The following DYNLL2 variants were observed in gnomAD, a reference collection of about 807,000 sequenced individuals.
DYNLL2 encodes the protein dynein light chain 2, cytoplasmic.
In DYNLL2, 1 loss-of-function variant was observed where a neutral mutation model predicts 9.7. The ratio of observed to expected loss-of-function variants is 0.10; its 90% CI spans 0.04 to 0.49. The LOEUF (loss-of-function observed/expected upper bound fraction) is 0.49. Ranked by LOEUF, DYNLL2 falls within the 20% of genes least tolerant of loss-of-function variation. DYNLL2 has a pLI of 0.95. For missense variants in DYNLL2, 37 were observed against 115.2 expected (o/e 0.32, Z 3.11); for synonymous variants, 35 against 40.5 (o/e 0.86, Z 0.52).
rs752199536 is a variant in DYNLL2 at position 58,089,326 on chromosome 17, G to A, written c.*47G>A. On this transcript the variant is annotated 3_prime_UTR_variant, in exon 3 of 3. Transcript: ENST00000579991. Reference sequence around the variant, plus strand: ...GTGGCGGCGGCAGCGATGGCAAGCAGGCGGCGTTGCTGGGACTGTTTTGCA... The same window carrying A: ...GTGGCGGCGGCAGCGATGGCAAGCAAGCGGCGTTGCTGGGACTGTTTTGCA... The A allele has an allele frequency of 1.2e-5, 19 of 1,603,950 alleles. No homozygotes were observed. The highest frequency in any genetic ancestry group is 3.3e-4 in the Middle Eastern group (2 of 6,024).
chr17:58,088,585 G>C (rs2075768971), intron 2 of DYNLL2, among the ~76,000 whole-genome samples: 1 of 152,158 alleles, frequency 6.6e-6, no homozygotes, highest in African/African-American at 2.4e-5. Context: ...CCTTGTTCTG[G>C]TACATACAGC....
intron 1 of DYNLL2, 63 bp from the exon 2 acceptor site, chr17:58,087,019 G>C: frequency 2.5e-6 from 4 of 1,587,318 alleles, no homozygotes; most frequent in South Asian, 1.1e-5. Context: ...CCCACACCCA[G>C]CAGCTAATGT....
intron 1 of DYNLL2, among the ~76,000 whole-genome samples, 154 bp downstream of exon 1, chr17:58,083,837 G>A (rs1036378950): frequency 3.3e-5 from 5 of 151,730 alleles, no homozygotes; most frequent in Non-Finnish European, 7.4e-5. Flanking sequence ...TGGCGTTGAC[G>A]GTCCGGGCAG....
chr17:58,083,679 T>G lies in DYNLL2; in HGVS notation c.-14T>G, dbSNP rs1462540719. On this transcript the variant is annotated 5_prime_UTR_variant, in exon 1 of 3. Transcript: ENST00000579991. Reference sequence around the variant, plus strand: ...AGGGCCCAGTGCGGACTCGCCTCCGTGAAGGTGAGCGGTGGGTGGGGGCGT... The same window carrying G: ...AGGGCCCAGTGCGGACTCGCCTCCGGGAAGGTGAGCGGTGGGTGGGGGCGT... The G allele has an allele frequency of 5.9e-5, 9 of 152,352 alleles. No homozygotes were observed. The highest frequency in any genetic ancestry group is 2.2e-4 in the African/African-American group (9 of 41,346). 9.4% of individuals were successfully genotyped at this position (152,352 alleles called of 1,614,324 possible).
In DYNLL2 at chr17:58,083,479, C is replaced by CGGCGCGAGGCGGA. The variant is rs1567765002; in HGVS notation, c.-213_-212insGCGCGAGGCGGAG. 2.4e-5 allele frequency: 3 copies of CGGCGCGAGGCGGA among 124,608 alleles called. No individual in the cohort carries two copies. The highest frequency in any genetic ancestry group is 5.7e-5 in the African/African-American group (2 of 35,396). The allele number at this position is 124,608 out of a possible 1,614,324, so 7.7% of individuals were successfully genotyped here. A position where few individuals can be genotyped will look rare whatever the true frequency, so the allele number is the denominator to read the frequency against. On this transcript the variant is annotated 5_prime_UTR_variant, in exon 1 of 3. Coordinates refer to ENST00000579991, the MANE Select transcript of DYNLL2 (RefSeq NM_080677.3). ...GCGGAGCGGGCGGGCGGGCGGGCGG[C>CGGCGCGAGGCGGA]GTGAGGCGGAGCGCGGGCGGCCGGC...
rs1223706636 is a variant in DYNLL2, at chr17:58,092,762, G to A, written c.*3483G>A. 6.6e-6 allele frequency: 1 copy of A among 152,272 alleles called. No homozygotes were observed. Among genetic ancestry groups the A allele is most frequent in the Non-Finnish European group, 1.5e-5 (1 of 68,102 alleles). The allele number at this position is 152,272 out of a possible 1,614,324, so 9.4% of individuals were successfully genotyped here. On this transcript the variant is annotated 3_prime_UTR_variant, in exon 3 of 3. Transcript: ENST00000579991. The stretch of plus-strand genomic sequence containing the variant: ...AGGCAAATGGATAATAACCAGCATG[G>A]TAGGGAATCTTCTTTGTTGCTGTGG...
Position 58,093,853 on chromosome 17 carries a change from A to G in DYNLL2, c.*4574A>G, listed in dbSNP as rs1471085103. The G allele has an allele frequency of 1.3e-5, 2 of 150,838 alleles. No homozygotes were observed. Among genetic ancestry groups the G allele is most frequent in the Non-Finnish European group, 2.9e-5 (2 of 67,884 alleles). 9.3% of individuals were successfully genotyped at this position (150,838 alleles called of 1,614,324 possible). On this transcript the variant is annotated 3_prime_UTR_variant, in exon 3 of 3. Coordinates refer to ENST00000579991, the MANE Select transcript of DYNLL2 (RefSeq NM_080677.3). Reference sequence around the variant, plus strand: ...CCCCTTCACTACCCTAGTAACAAGTATGACCTGTTGCCTGTTGAGGTCAGG... The same window carrying G: ...CCCCTTCACTACCCTAGTAACAAGTGTGACCTGTTGCCTGTTGAGGTCAGG...
At chr17:58,087,529 A>G (rs2075764728) in intron 2 of DYNLL2, among the ~76,000 whole-genome samples, 1 of 152,172 alleles carries the variant, frequency 6.6e-6, no homozygotes, top group African/African-American at 2.4e-5. Flanking sequence ...AGAATTAAAT[A>G]TTTCTGGCCC....
chr17:58,089,411 C>T lies in DYNLL2; in HGVS notation c.*132C>T, dbSNP rs546944674. 9.2e-6 allele frequency: 11 copies of T among 1,195,818 alleles called. No homozygotes were observed. The highest frequency in any genetic ancestry group is 6.2e-5 in the African/African-American group (4 of 64,854). The allele number at this position is 1,195,818 out of a possible 1,614,324, so 74.1% of individuals were successfully genotyped here. ...TGTGCTACTGCATGGACTGTATACT[C>T]GATTTCATGTGTATGTCGCAGTAAA... On this transcript the variant is annotated 3_prime_UTR_variant, in exon 3 of 3. Coordinates refer to ENST00000579991, the MANE Select transcript of DYNLL2 (RefSeq NM_080677.3).
chr17:58,085,378 C>T (rs561508043), intron 1 of DYNLL2, among the ~76,000 whole-genome samples: 3 of 152,274 alleles, frequency 2.0e-5, no homozygotes, highest in Non-Finnish European at 2.9e-5. Context: ...TTGTGAACTC[C>T]GAGATCAAGG....
Position 58,091,748 on chromosome 17 carries a change from G to A in DYNLL2, c.*2469G>A, listed in dbSNP as rs1440855977. On this transcript the variant is annotated 3_prime_UTR_variant, in exon 3 of 3. Coordinates refer to ENST00000579991, the MANE Select transcript of DYNLL2 (RefSeq NM_080677.3). ...TCTGTTGCCCAGACACACAACTCGA[G>A]AAATCAGCAGTGCCAAGACTTCTGA... 6.6e-6 allele frequency: 1 copy of A among 152,188 alleles called. No individual in the cohort carries two copies. Among genetic ancestry groups the A allele is most frequent in the Middle Eastern group, 3.2e-3 (1 of 316 alleles). 9.4% of individuals were successfully genotyped at this position (152,188 alleles called of 1,614,324 possible).
intron 1 of DYNLL2, among the ~76,000 whole-genome samples, 173 bp downstream of exon 1, chr17:58,083,856 G>C (rs899588567): frequency 2.6e-5 from 4 of 151,506 alleles, no homozygotes. Context: ...AGCGCAGCGC[G>C]CCCCCGCCGC....
chr17:58,093,287 TC>T lies in DYNLL2; in HGVS notation c.*4011del, dbSNP rs2075786835. On this transcript the variant is annotated 3_prime_UTR_variant, in exon 3 of 3. Transcript: ENST00000579991. ...ACCTTGAAAGGCGTGAGAGGGTCAC[TC>T]CCAGGTGTATTCAAGCAAGAGTGCC... 6.6e-6 allele frequency: 1 copy of T among 152,198 alleles called. No homozygotes were observed. The highest frequency in any genetic ancestry group is 1.5e-5 in the Non-Finnish European group (1 of 68,046). The allele number at this position is 152,198 out of a possible 1,614,324, so 9.4% of individuals were successfully genotyped here.
intron 1 of DYNLL2, among the ~76,000 whole-genome samples, chr17:58,084,376 T>G (rs964761996): frequency 1.3e-5 from 2 of 152,128 alleles, no homozygotes; most frequent in South Asian, 2.1e-4. Context: ...TTAGCCTTTT[T>G]TTTTGGTTGC....
intron 2 of DYNLL2, among the ~76,000 whole-genome samples, chr17:58,088,001 T>C (rs765409422): frequency 6.6e-6 from 1 of 152,120 alleles, no homozygotes; most frequent in African/African-American, 2.4e-5. Context: ...TCCATTGAAG[T>C]GGAAGTGGTA....
chr17:58,085,901 C>G (rs977228208), intron 1 of DYNLL2, among the ~76,000 whole-genome samples: 1 of 152,142 alleles, frequency 6.6e-6, no homozygotes, highest in Admixed American at 6.5e-5. Context: ...CCTAATAGGT[C>G]AGTACTTTTT....
chr17:58,088,511 T>C (rs902554087), intron 2 of DYNLL2, among the ~76,000 whole-genome samples: 4 of 152,164 alleles, frequency 2.6e-5, no homozygotes, highest in African/African-American at 7.2e-5. Context: ...CTCTAAAGAT[T>C]TCCTGTGGTT....
In DYNLL2 at chr17:58,089,315, G is replaced by T. The variant is rs762164785; in HGVS notation, c.*36G>T. ...TGAAGGTGTCAGTGGCGGCGGCAGC[G>T]ATGGCAAGCAGGCGGCGTTGCTGGG... On this transcript the variant is annotated 3_prime_UTR_variant, in exon 3 of 3. Transcript: ENST00000579991. 1 of 1,606,620 alleles carries T rather than the reference G, an allele frequency of 6.2e-7. No homozygotes were observed. The highest frequency in any genetic ancestry group is 1.1e-5 in the South Asian group (1 of 90,740).
rs369379559 is a variant in DYNLL2 at position 58,093,409 on chromosome 17, T to G, written c.*4130T>G. ...CATTTCAGTTTATGTTGCTGAAACC[T>G]GAGAGCGCCCCCCTGAGCTAGACTC... On this transcript the variant is annotated 3_prime_UTR_variant, in exon 3 of 3. Transcript: ENST00000579991. The G allele has an allele frequency of 6.6e-6, 1 of 152,206 alleles. No homozygotes were observed. The highest frequency in any genetic ancestry group is 1.5e-5 in the Non-Finnish European group (1 of 68,024). The allele number at this position is 152,206 out of a possible 1,614,324, so 9.4% of individuals were successfully genotyped here. A position where few individuals can be genotyped will look rare whatever the true frequency, so the allele number is the denominator to read the frequency against.
Sources: allele counts gnomAD v4.1 joint callset (sites outside exome capture counted in the v4.1 genomes callset), GRCh38; gene constraint gnomAD v4.1.1; transcripts MANE v1.5; gene names NCBI Gene and HGNC (gene_info 2026-07-23, HGNC 2026-07-21).